DMD: variants seen among roughly 807,000 people sequenced by gnomAD.
DMD encodes mutant dystrophin.
In DMD, 63 loss-of-function variants were observed where a neutral mutation model predicts 330.1. That is an observed-to-expected ratio of 0.19 (90% CI 0.16 to 0.24). The LOEUF (loss-of-function observed/expected upper bound fraction) is 0.24, where lower values mean the gene tolerates loss of function less well. Ranked by LOEUF, DMD falls within the 10% of genes least tolerant of loss-of-function variation. DMD has a pLI of 1.00. For missense variants in DMD, 3,344 were observed against 2,684.1 expected (o/e 1.25, Z -5.43); for synonymous variants, 1,223 against 959.8 (o/e 1.27, Z -5.07).
At chrX:32,582,884 G>C (rs1030284008) in intron 13 of DMD, among the ~76,000 whole-genome samples, 3 of 110,904 alleles carry the variant, frequency 2.7e-5, no homozygotes, top group African/African-American at 9.8e-5. Flanking sequence ...CTTTCTCAAG[G>C]ACCTAGGAGC....
At chrX:32,865,216 A>T (rs1181668272) in intron 2 of DMD, among the ~76,000 whole-genome samples, 2 of 111,561 alleles carry the variant, frequency 1.8e-5, no homozygotes, top group Non-Finnish European at 3.8e-5. Flanking sequence ...GATAAAAGAT[A>T]AAAACATACT....
intron 60 of DMD, among the ~76,000 whole-genome samples, chrX:31,421,900 TACACACACACACAC>T (rs201760249): frequency 1.2e-5 from 1 of 85,184 alleles, no homozygotes; most frequent in African/African-American, 5.0e-5. Flanking sequence ...TATATATATA[TACACACACACACAC>T]ATATATATAT....
At chrX:32,998,918 C>G (rs781020580) in intron 2 of DMD, among the ~76,000 whole-genome samples, 34 of 111,962 alleles carry the variant, frequency 3.0e-4, no homozygotes, top group African/African-American at 4.9e-4. Flanking sequence ...TGGGCAAAGT[C>G]TCTTCCAAAA....
chrX:31,324,173 A>T (rs1441995594), intron 61 of DMD, among the ~76,000 whole-genome samples: 1 of 111,754 alleles, frequency 8.9e-6, no homozygotes, highest in Non-Finnish European at 1.9e-5. Context: ...AAATTCACTT[A>T]CCAAATAGAT....
At chrX:31,921,926 G>A (rs2149935509) in intron 47 of DMD, among the ~76,000 whole-genome samples, 1 of 111,396 alleles carries the variant, frequency 9.0e-6, no homozygotes, top group Non-Finnish European at 1.9e-5. Context: ...CATATTCTTG[G>A]CATTGCCTAT....
intron 50 of DMD, among the ~76,000 whole-genome samples, chrX:31,802,419 C>A (rs2092112293): frequency 9.0e-6 from 1 of 111,102 alleles, no homozygotes; most frequent in Admixed American, 9.6e-5. Flanking sequence ...TTTCTCTAGG[C>A]AAATCAAGAC....
intron 2 of DMD, among the ~76,000 whole-genome samples, chrX:32,899,602 A>G (rs2149291584): frequency 9.5e-6 from 1 of 105,168 alleles, no homozygotes; most frequent in South Asian, 4.6e-4. Flanking sequence ...TGAACCTGGG[A>G]GGCAGAGGTT....
chrX:32,064,963 G>A (rs887958007), intron 44 of DMD, among the ~76,000 whole-genome samples: 3 of 111,318 alleles, frequency 2.7e-5, no homozygotes, highest in African/African-American at 9.8e-5. Context: ...AATGCATGGA[G>A]TGAACTGATG....
intron 44 of DMD, among the ~76,000 whole-genome samples, chrX:31,977,063 T>C (rs777599428): frequency 1.8e-5 from 2 of 111,797 alleles, no homozygotes; most frequent in Non-Finnish European, 3.8e-5. Context: ...ATCAATGAAT[T>C]TGGCGAAATG....
intron 44 of DMD, among the ~76,000 whole-genome samples, chrX:32,198,186 CA>C (rs2097015532): frequency 9.0e-6 from 1 of 111,473 alleles, no homozygotes; most frequent in Admixed American, 9.6e-5. Flanking sequence ...AAATTCAGCA[CA>C]TATCAACTAT....
At position 32,644,219 on chromosome X, in the gene DMD, TCTTC is replaced by T; in HGVS notation, c.1240_1243del (p.Glu414MetfsTer10). On this transcript the variant is annotated frameshift_variant, in exon 11 of 79. Transcript: ENST00000357033. LOFTEE classifies it high-confidence loss of function. The stretch of plus-strand genomic sequence containing the variant: ...CTGCTCTTGTACTTCAGTTTCTTCA[TCTTC>T]TGATAATTTTCCTGTTCCAATCAGC... 8.3e-7 allele frequency: 1 copy of T among 1,210,952 alleles called. No individual in the cohort carries two copies. The highest frequency in any genetic ancestry group is 1.1e-6 in the Non-Finnish European group (1 of 894,737).
intron 50 of DMD, among the ~76,000 whole-genome samples, chrX:31,782,524 A>G (rs1458313984): frequency 9.1e-6 from 1 of 110,338 alleles, no homozygotes; most frequent in Non-Finnish European, 1.9e-5. Context: ...TGCATGAATG[A>G]GCACAGCTGA....
Position 31,507,265 on chromosome X carries a change from C to A in DMD, c.8390+16G>T. On this transcript the variant is annotated intron_variant, in intron 56 of 78. Coordinates refer to ENST00000357033, the MANE Select transcript of DMD (RefSeq NM_004006.3). ...TTAATTCATTTGTGGCCTTTTTGCT[C>A]CACATCTTTTCCTACCTAATGTTGA... 1 of 1,210,899 alleles carries A rather than the reference C, an allele frequency of 8.3e-7. No individual in the cohort carries two copies.
chrX:31,573,045 T>A (rs1443066254), intron 55 of DMD, among the ~76,000 whole-genome samples: 1 of 111,329 alleles, frequency 9.0e-6, no homozygotes, highest in Non-Finnish European at 1.9e-5. Flanking sequence ...AAAGAAAAAA[T>A]TAGCAAGAAA....
chrX:32,731,606 T>C (rs1327118478), intron 7 of DMD, among the ~76,000 whole-genome samples: 1 of 112,192 alleles, frequency 8.9e-6, no homozygotes, highest in East Asian at 2.8e-4. Flanking sequence ...GCCTGACCCC[T>C]GACCCCCGAG....
chrX:31,826,054 A>T (rs1364816294), intron 49 of DMD, among the ~76,000 whole-genome samples: 5 of 111,935 alleles, frequency 4.5e-5, no homozygotes, highest in Non-Finnish European at 7.5e-5. Context: ...TTACGATAAA[A>T]TTTTTTTCAG....
intron 7 of DMD, among the ~76,000 whole-genome samples, chrX:32,761,332 C>A (rs777675740): frequency 9.2e-6 from 1 of 108,518 alleles, no homozygotes; most frequent in South Asian, 3.8e-4. Context: ...TGAAGAGAGA[C>A]ACTCAGAAGT....
chrX:31,161,091 A>C (rs184246674), intron 74 of DMD, among the ~76,000 whole-genome samples: 1 of 111,661 alleles, frequency 9.0e-6, no homozygotes. Flanking sequence ...GTTCATATGT[A>C]CTCAGAACAG....
At position 31,765,958 on chromosome X, in the gene DMD, C is replaced by G. The variant is rs188053922; in HGVS notation, c.7542+8002G>C. 1.2e-4 allele frequency among the ~76,000 whole-genome samples: 13 copies of G among 110,915 alleles called. No individual in the cohort carries two copies. The East Asian group carries it at 3.4e-3, about 29-fold the overall frequency. ...AACATTAACATTAGTTAACATTACC[C>G]TAACATTAAAGGTAATAATAAGAAA... On this transcript the variant is annotated intron_variant, in intron 51 of 78. Transcript: ENST00000357033.
Sources: allele counts gnomAD v4.1 joint callset (sites outside exome capture counted in the v4.1 genomes callset), GRCh38; gene constraint gnomAD v4.1.1; transcripts MANE v1.5; gene names NCBI Gene and HGNC (gene_info 2026-07-23, HGNC 2026-07-21).